Variants in COL16A1 observed in about 807,000 individuals in gnomAD.
COL16A1 encodes the protein collagen alpha-1(XVI) chain.
In COL16A1, 189 loss-of-function variants were observed where a neutral mutation model predicts 266.3. The observed-to-expected ratio is 0.71, with a 90% CI of 0.63 to 0.80. COL16A1 has a LOEUF of 0.80. COL16A1 is among the 30% of genes least tolerant of loss of function. The pLI is 0.00. For synonymous variants in COL16A1, 740 were observed against 782.3 expected (o/e 0.95, Z 0.90); for missense variants, 1,928 against 2,122.4 (o/e 0.91, Z 1.80).
At chr1:31,677,613 C>T (rs1311568173) in intron 42 of COL16A1, among the ~76,000 whole-genome samples, 11 of 152,242 alleles carry the variant, frequency 7.2e-5, no homozygotes. Flanking sequence ...CTCAGTGCCT[C>T]AGCTTCCTCC....
chr1:31,652,578 C>A lies in COL16A1; in HGVS notation c.*73G>T. The A allele has an allele frequency of 2.9e-6, 4 of 1,376,488 alleles. No homozygotes were observed. The highest frequency in any genetic ancestry group is 1.9e-5 in the South Asian group (1 of 51,290). The allele number at this position is 1,376,488 out of a possible 1,614,324, so 85.3% of individuals were successfully genotyped here. A position where few individuals can be genotyped will look rare whatever the true frequency, so the allele number is the denominator to read the frequency against. On this transcript the variant is annotated 3_prime_UTR_variant, in exon 71 of 71. Coordinates refer to ENST00000373672, the MANE Select transcript of COL16A1 (RefSeq NM_001856.4). The surrounding 1 kb of genome is among the most constrained non-coding windows in gnomAD (Gnocchi z 4.8). Reference sequence around the variant, plus strand: ...CAACAACAAAAAAAACATTCACAACCTGTCACAGAGTCCTATAAGCTTTGG... The same window carrying A: ...CAACAACAAAAAAAACATTCACAACATGTCACAGAGTCCTATAAGCTTTGG...
rs371339153 is a variant in COL16A1, at chr1:31,658,447, C to A, written c.4020+41G>T. 5.2e-6 allele frequency: 8 copies of A among 1,523,984 alleles called. No homozygotes were observed. The East Asian group carries it at 9.1e-5, about 17-fold the overall frequency. The allele number at this position is 1,523,984 out of a possible 1,614,324, so 94.4% of individuals were successfully genotyped here. A position where few individuals can be genotyped will look rare whatever the true frequency, so the allele number is the denominator to read the frequency against. On this transcript the variant is annotated intron_variant, in intron 64 of 70. Transcript: ENST00000373672. ...GCTCAACAGGCCTTGAGCCAATTGA[C>A]TCTTTCCCCCTGGGCTATGCTGTAG...
At position 31,668,588 on chromosome 1, in the gene COL16A1, T is replaced by C. The variant is rs1642354861; in HGVS notation, c.3249+214A>G. ...GGAGGACAGGGGCTGTGCATGCTTC[T>C]GGCAGGGAGTCAGGGCACATGGAGA... is the stretch of plus-strand genomic sequence containing the variant. On this transcript the variant is annotated intron_variant, in intron 50 of 70. Transcript: ENST00000373672. The surrounding 1 kb of genome is among the most constrained non-coding windows in gnomAD (Gnocchi z 5.8). 6.6e-6 allele frequency among the ~76,000 whole-genome samples: 1 copy of C among 152,138 alleles called. No individual in the cohort carries two copies. The highest frequency in any genetic ancestry group is 1.5e-5 in the Non-Finnish European group (1 of 68,006).
intron 58 of COL16A1, 70 bp from the exon 59 acceptor site, chr1:31,661,774 C>T: frequency 6.7e-7 from 1 of 1,486,074 alleles, no homozygotes; most frequent in Non-Finnish European, 9.1e-7. Context: ...TACCTCTGTC[C>T]TCCCCTCTCT....
Position 31,685,571 on chromosome 1 carries a change from A to C in COL16A1, c.2016+68T>G, listed in dbSNP as rs1028260320. 6.3e-6 allele frequency: 9 copies of C among 1,422,488 alleles called. No homozygotes were observed. Among genetic ancestry groups the C allele is most frequent in the East Asian group, 2.6e-5 (1 of 37,812 alleles). 88.1% of individuals were successfully genotyped at this position (1,422,488 alleles called of 1,614,324 possible). A position where few individuals can be genotyped will look rare whatever the true frequency, so the allele number is the denominator to read the frequency against. On this transcript the variant is annotated intron_variant, in intron 29 of 70. Coordinates refer to ENST00000373672, the MANE Select transcript of COL16A1 (RefSeq NM_001856.4). The surrounding 1 kb of genome is among the most constrained non-coding windows in gnomAD (Gnocchi z 4.0). ...CAGGGAGTCAAGAGACCCAGGCAGG[A>C]CCCCTCCCCTCTCCTTAGCCCCGCC...
intron 51 of COL16A1, 76 bp from the exon 52 acceptor site, chr1:31,667,704 A>T (rs533422977): frequency 4.0e-4 from 555 of 1,384,324 alleles, no homozygotes; most frequent in Non-Finnish European, 5.2e-4. Flanking sequence ...AGGAGCGGAG[A>T]CTGCAGCTGG....
chr1:31,669,308 C>T (rs1642435461), intron 49 of COL16A1, among the ~76,000 whole-genome samples: 1 of 152,142 alleles, frequency 6.6e-6, no homozygotes, highest in Non-Finnish European at 1.5e-5. Context: ...CAACACTTAC[C>T]TGTCCAAGTC....
chr1:31,697,907 G>T lies in COL16A1; in HGVS notation c.656C>A (p.Ser219Ter). ...GLDAEQGKPV[S>*]FDLQQVHIYC... is the part of the protein sequence containing the mutation. ...GTCAGGGCCTGACCTAGCACTCACC[G>T]AGACAGGCTTGCCCTGCTCAGCATC... Residue 219 changes from serine (S) to a stop codon, truncating the protein, a stop_gained and splice_region_variant, in exon 6 of 71, where the codon TCG becomes TAG. Coordinates refer to ENST00000373672, the MANE Select transcript of COL16A1 (RefSeq NM_001856.4). LOFTEE classifies it high-confidence loss of function. This position sits in a 1 kb window ranked among gnomAD's most constrained non-coding sequence, Gnocchi z 4.2. The T allele has an allele frequency of 6.2e-7, 1 of 1,608,864 alleles. No individual in the cohort carries two copies.
rs1205372597 is a variant in COL16A1, at chr1:31,670,866, T to C, written c.3151-220A>G. Among the ~76,000 whole-genome samples the C allele has an allele frequency of 1.3e-5, 2 of 152,202 alleles. No homozygotes were observed. Among genetic ancestry groups the C allele is most frequent in the African/African-American group, 2.4e-5 (1 of 41,456 alleles). ...CTCCTCCGTTGACGGAGATGCGGAA[T>C]GGCTCCAGAGTCAGAGGGCTTCCTG... On this transcript the variant is annotated intron_variant, in intron 48 of 70. Transcript: ENST00000373672. This position sits in a 1 kb window ranked among gnomAD's most constrained non-coding sequence, Gnocchi z 4.5.
At position 31,663,013 on chromosome 1, in the gene COL16A1, A is replaced by C; in HGVS notation, c.3556-355T>G. ...AAAGCTGCCTGTTGTATTCTACTCC[A>C]TCAGACCCCCTGCCTCCTCCCCACC... On this transcript the variant is annotated intron_variant, in intron 56 of 70. Coordinates refer to ENST00000373672, the MANE Select transcript of COL16A1 (RefSeq NM_001856.4). The surrounding 1 kb of genome is among the most constrained non-coding windows in gnomAD (Gnocchi z 4.9). The C allele has an allele frequency of 3.1e-6, 1 of 319,966 alleles. No homozygotes were observed. The highest frequency in any genetic ancestry group is 5.9e-6 in the Non-Finnish European group (1 of 168,586). 19.8% of individuals were successfully genotyped at this position (319,966 alleles called of 1,614,324 possible). A position where few individuals can be genotyped will look rare whatever the true frequency, so the allele number is the denominator to read the frequency against.
At position 31,695,785 on chromosome 1, in the gene COL16A1, G is replaced by A; in HGVS notation, c.921C>T (p.Val307=). The change falls in exon 10 of 71, where the codon GTC becomes GTT. Residue 307 remains valine (V), a splice_region_variant and synonymous_variant. Coordinates refer to ENST00000373672, the MANE Select transcript of COL16A1 (RefSeq NM_001856.4). ...CCTCATCGGCTGCTGTCTCCTGATG[G>A]ACCTGAGGAAAGGGTGGGGGGTGTG... is the stretch of plus-strand genomic sequence containing the variant. ...ISQKAERGAK[V]HQETAADECP... The A allele has an allele frequency of 6.2e-7, 1 of 1,612,490 alleles. No individual in the cohort carries two copies. The highest frequency in any genetic ancestry group is 1.3e-5 in the African/African-American group (1 of 74,992).
chr1:31,691,588 CACA>C lies in COL16A1; in HGVS notation c.1302+7_1302+9del. On this transcript the variant is annotated splice_region_variant and intron_variant, in intron 18 of 70. Transcript: ENST00000373672. Reference sequence around the variant, plus strand: ...ACCCCATCTCCACCCCACAAACATCCACAACTCACCTTCTGCCCTTTGGGCCCA... The same window carrying C: ...ACCCCATCTCCACCCCACAAACATCCACTCACCTTCTGCCCTTTGGGCCCA... 1 of 1,613,944 alleles carries C rather than the reference CACA, an allele frequency of 6.2e-7. No individual in the cohort carries two copies. The highest frequency in any genetic ancestry group is 1.3e-5 in the African/African-American group (1 of 75,060).
chr1:31,694,160 G>A lies in COL16A1; in HGVS notation c.992C>T (p.Ala331Val). ...AGGACTCACCTTGGGGCCAGAGGGA[G>A]CAAGTGTGACCTGAGGGGACAGAGG... ...HGARDSNVTL[A>V]PSGPKGGKGE... is the part of the protein sequence containing the mutation. Residue 331 changes from alanine (A) to valine (V), a missense_variant, in exon 12 of 71, where the codon GCT becomes GTT. Ala to Val is a moderately conservative substitution (Grantham distance 64). Coordinates refer to ENST00000373672, the MANE Select transcript of COL16A1 (RefSeq NM_001856.4). 6.3e-7 allele frequency: 1 copy of A among 1,599,064 alleles called. No homozygotes were observed. The highest frequency in any genetic ancestry group is 8.5e-7 in the Non-Finnish European group (1 of 1,170,104).
Position 31,668,477 on chromosome 1 carries a change from G to C in COL16A1, c.3250-259C>G, listed in dbSNP as rs116995787. On this transcript the variant is annotated intron_variant, in intron 50 of 70. Transcript: ENST00000373672. This position sits in a 1 kb window ranked among gnomAD's most constrained non-coding sequence, Gnocchi z 5.8. ...GAGCCGGAGCAGGGAGCCCAGAGCA[G>C]GCATGAGGACCAGGGAAGAGGGGGT... 7.5e-4 allele frequency among the ~76,000 whole-genome samples: 114 copies of C among 152,300 alleles called. 2 individuals carry two copies. The East Asian group carries it at 0.021, about 29-fold the overall frequency.
chr1:31,656,764 TTTATTATTATCA>T lies in COL16A1; in HGVS notation c.4056+257_4056+268del. The T allele has an allele frequency of 1.8e-6, 1 of 566,306 alleles. No homozygotes were observed. Among genetic ancestry groups the T allele is most frequent in the East Asian group, 2.9e-5 (1 of 34,148 alleles). 35.1% of individuals were successfully genotyped at this position (566,306 alleles called of 1,614,324 possible). ...GTACCCAGGAGATGTTTGTTTGGAA[TTTATTATTATCA>T]TTATTATTGTTGTTGTTGTTGTTTC... On this transcript the variant is annotated intron_variant, in intron 65 of 70. Transcript: ENST00000373672. The surrounding 1 kb of genome is among the most constrained non-coding windows in gnomAD (Gnocchi z 4.2).
At chr1:31,696,446 G>A (rs998439148) in intron 8 of COL16A1, among the ~76,000 whole-genome samples, 1 of 152,174 alleles carries the variant, frequency 6.6e-6, no homozygotes, top group Admixed American at 6.5e-5. Context: ...CCAGCCAGGG[G>A]GTGGGGCTAA....
chr1:31,683,769 T>A, intron 33 of COL16A1, 21 bp from the exon 34 acceptor site: 1 of 1,613,978 alleles, frequency 6.2e-7, no homozygotes, highest in Admixed American at 1.7e-5. Flanking sequence ...AGAAGGACAG[T>A]CCCTGGCTCG....
intron 9 of COL16A1, 139 bp downstream of exon 9, chr1:31,695,949 C>T: frequency 1.0e-6 from 1 of 979,366 alleles, no homozygotes; most frequent in Non-Finnish European, 1.6e-6. Flanking sequence ...AGAGCTGGCA[C>T]CTACATGTCC....
rs1643585296 is a variant in COL16A1, at chr1:31,680,905, C to T, written c.2610G>A (p.Lys870=). 6.2e-7 allele frequency: 1 copy of T among 1,614,076 alleles called. No individual in the cohort carries two copies. The highest frequency in any genetic ancestry group is 1.7e-5 in the Admixed American group (1 of 60,010). ...TGGGTCACAGGCCCTTGGAACTCACCTTCTCTCCTCGTGGTCCTTTTTCAC... is the reference window on the plus strand; with the variant it reads ...TGGGTCACAGGCCCTTGGAACTCACTTTCTCTCCTCGTGGTCCTTTTTCAC... ...TPGEKGPRGE[K]GEPGECSCPS... is the part of the protein sequence containing the mutation. The change falls in exon 39 of 71, where the codon AAG becomes AAA. Residue 870 remains lysine (K), a splice_region_variant and synonymous_variant. Coordinates refer to ENST00000373672, the MANE Select transcript of COL16A1 (RefSeq NM_001856.4).
Sources: gnomAD v4.1 joint callset for allele counts (sites outside exome capture counted in the v4.1 genomes callset) on GRCh38, gnomAD v4.1.1 for gene constraint, Gnocchi (gnomAD v3.1) non-coding constraint, MANE v1.5 for transcripts, NCBI Gene and HGNC (gene_info 2026-07-23, HGNC 2026-07-21) for gene names.